Variants in TMIGD3 observed in about 807,000 individuals in gnomAD.
TMIGD3 encodes the protein AD026 protein (AD026).
Under a neutral mutation model 28.1 loss-of-function variants are expected in TMIGD3, and 21 were observed. That is an observed-to-expected ratio of 0.75 (90% confidence interval 0.53 to 1.08). TMIGD3 has a LOEUF of 1.08. Ranked by LOEUF, TMIGD3 falls within the 50% of genes least tolerant of loss-of-function variation. The pLI, the probability that TMIGD3 is intolerant of heterozygous loss-of-function variation, is 0.00. For missense variants in TMIGD3, 416 were observed against 435.6 expected (o/e 0.96, Z 0.40); for synonymous variants, 151 against 162.1 (o/e 0.93, Z 0.52).
chr1:111,489,967 A>G (rs760007851), intron 2 of TMIGD3, among the ~76,000 whole-genome samples: 12 of 152,178 alleles, frequency 7.9e-5, no homozygotes, highest in Non-Finnish European at 1.3e-4. Context: ...AGCCTTCCAG[A>G]AGTATAGCAA....
chr1:111,536,954 A>G (rs1464022468), intron 1 of TMIGD3, among the ~76,000 whole-genome samples: 2 of 152,124 alleles, frequency 1.3e-5, no homozygotes, highest in Non-Finnish European at 2.9e-5. Context: ...TCAACATTGC[A>G]CCAGTCATGC....
At chr1:111,516,136 G>A (rs1318732978) in intron 1 of TMIGD3, among the ~76,000 whole-genome samples, 1 of 152,246 alleles carries the variant, frequency 6.6e-6, no homozygotes, top group Non-Finnish European at 1.5e-5. Context: ...CGCGGTCCAG[G>A]GCAGACGGCC....
intron 1 of TMIGD3, among the ~76,000 whole-genome samples, chr1:111,536,551 G>T (rs1020486505): frequency 3.9e-5 from 6 of 152,162 alleles, no homozygotes; most frequent in African/African-American, 7.2e-5. Flanking sequence ...TACCCAGCAG[G>T]AGTTTACCAG....
At chr1:111,542,214 A>T (rs1408518825) in intron 1 of TMIGD3, 22 of 575,334 alleles carry the variant, frequency 3.8e-5, no homozygotes, top group South Asian at 2.8e-4. Context: ...TTAATGAAAC[A>T]GACATCCTTC....
rs1654506161 is a variant in TMIGD3, at chr1:111,488,698, T to C, written c.784A>G (p.Asn262Asp). The C allele has an allele frequency of 6.2e-7, 1 of 1,613,708 alleles. No homozygotes were observed. Among genetic ancestry groups the C allele is most frequent in the African/African-American group, 1.3e-5 (1 of 74,902 alleles). Residue 262 changes from asparagine (N) to aspartate (D), a missense_variant, in exon 3 of 6, where the codon AAT (asparagine) becomes GAT (aspartate). Transcript: ENST00000369716. ...TTACCTTTCCCAGACCAAAAGTCAT[T>C]GGCCAGGGTTCCTTTGTCGTCAGTT... ...IVTDDKGTLA[N>D]DFWSGKDLSG... is the part of the protein sequence containing the mutation.
chr1:111,509,366 A>ACC (rs1180611780), intron 1 of TMIGD3, among the ~76,000 whole-genome samples: 1 of 152,144 alleles, frequency 6.6e-6, no homozygotes, highest in African/African-American at 2.4e-5. Context: ...TCTCTTGGCC[A>ACC]CCCAGCCTCC....
chr1:111,505,361 G>GGA (rs1655450702), upstream of TMIGD3, among the ~76,000 whole-genome samples: 6 of 152,272 alleles, frequency 3.9e-5, no homozygotes, highest in South Asian at 1.2e-3. Context: ...AATAAAGGCA[G>GGA]GAGACACACT....
rs373843088 is a variant in TMIGD3, at chr1:111,502,985, C to T, written c.350+20G>A. On this transcript the variant is annotated intron_variant, in intron 1 of 5. Transcript: ENST00000369716. ...TTTCCCAGCTGCCTCAATTGCTGCC[C>T]ACCCCACGCCGCAGGCTACCTGACG... The T allele has an allele frequency of 3.0e-5, 49 of 1,608,486 alleles. No individual in the cohort carries two copies. The highest frequency in any genetic ancestry group is 4.0e-5 in the Non-Finnish European group (47 of 1,176,058).
intron 1 of TMIGD3, among the ~76,000 whole-genome samples, chr1:111,501,865 C>A (rs979211546): frequency 2.0e-5 from 3 of 151,554 alleles, no homozygotes; most frequent in African/African-American, 7.3e-5. Flanking sequence ...AACACGAGAC[C>A]AATGCAATTT....
At chr1:111,555,609 G>A (rs778134545) in intron 1 of TMIGD3, among the ~76,000 whole-genome samples, 4 of 151,682 alleles carry the variant, frequency 2.6e-5, no homozygotes, top group Admixed American at 6.6e-5. Context: ...GAAGTGAGAG[G>A]TATGTATGTA....
intron 1 of TMIGD3, among the ~76,000 whole-genome samples, chr1:111,563,625 G>T (rs2364815): frequency 0.27 from 40,933 of 152,088 alleles, 5,928 homozygotes; most frequent in Middle Eastern, 0.32. Flanking sequence ...TAACTTGTAT[G>T]TGTCAAACAC....
At chr1:111,489,252 A>T (rs1654539798) in intron 2 of TMIGD3, among the ~76,000 whole-genome samples, 1 of 152,174 alleles carries the variant, frequency 6.6e-6, no homozygotes. Flanking sequence ...TTTGGATATA[A>T]GGCCTTTAAA....
chr1:111,557,393 A>G (rs1024539215), intron 1 of TMIGD3, among the ~76,000 whole-genome samples: 1 of 152,100 alleles, frequency 6.6e-6, no homozygotes, highest in Non-Finnish European at 1.5e-5. Flanking sequence ...CTAAAAATAC[A>G]AAAACAATTA....
chr1:111,535,312 A>C (rs1656602031), intron 1 of TMIGD3, among the ~76,000 whole-genome samples: 1 of 152,232 alleles, frequency 6.6e-6, no homozygotes, highest in Non-Finnish European at 1.5e-5. Flanking sequence ...AATCACAGAA[A>C]AAATATCACA....
chr1:111,527,006 C>CT (rs71580580), intron 1 of TMIGD3, among the ~76,000 whole-genome samples: 43,858 of 86,644 alleles, frequency 0.51, 14,530 homozygotes, highest in Admixed American at 0.64. Flanking sequence ...TCCTCAATGT[C>CT]TTTTTTTTTT....
chr1:111,503,832 G>C (rs969998766), upstream of TMIGD3: 1 of 1,000,440 alleles, frequency 1.0e-6, no homozygotes, highest in Non-Finnish European at 1.2e-6. Flanking sequence ...GGAGCCATGA[G>C]TGGCATAGAG....
chr1:111,511,710 CTTTCCATCCTCTCTGTTTA>C (rs1224609954), intron 1 of TMIGD3, among the ~76,000 whole-genome samples: 2 of 144,686 alleles, frequency 1.4e-5, no homozygotes, highest in African/African-American at 4.9e-5. Context: ...TCCACATGCT[CTTTCCATCCTCTCTGTTTA>C]TTTCCTATGC....
At chr1:111,488,577 A>G in intron 3 of TMIGD3, 100 bp downstream of exon 3, 6 of 1,059,596 alleles carry the variant, frequency 5.7e-6, no homozygotes, top group Non-Finnish European at 8.3e-6. Flanking sequence ...ACCCAGTGGG[A>G]GTCTGAGTTG....
chr1:111,486,011 G>A (rs1391328021), intron 4 of TMIGD3, among the ~76,000 whole-genome samples, 171 bp from the exon 5 acceptor site: 5 of 152,040 alleles, frequency 3.3e-5, no homozygotes, highest in Admixed American at 6.5e-5. Context: ...GACCACCCTC[G>A]ATGGGACCTG....
Sources: allele counts gnomAD v4.1 joint callset (sites outside exome capture counted in the v4.1 genomes callset), GRCh38; gene constraint gnomAD v4.1.1; transcripts MANE v1.5; gene names NCBI Gene and HGNC (gene_info 2026-07-23, HGNC 2026-07-21).